NXPE2: variants seen among roughly 807,000 people sequenced by gnomAD.
The protein encoded by NXPE2 is NXPE family member 2.
A neutral mutation model predicts 34.4 loss-of-function variants in NXPE2; 34 were observed. That is an observed-to-expected ratio of 0.99 (90% CI 0.75 to 1.31). NXPE2 has a LOEUF of 1.31. Among genes scored for constraint, NXPE2 ranks in the 40% most tolerant of loss-of-function variants. The probability of loss-of-function intolerance (pLI) is 0.00; values close to 1 mark genes in which losing one functional copy is unlikely to be tolerated. For synonymous variants in NXPE2, 235 were observed against 231.3 expected, an observed-to-expected ratio of 1.02 and a Z score of -0.15; for missense variants, 649 against 672.5, an observed-to-expected ratio of 0.97 and a Z score of 0.39.
chr11:114,777,094 A>G, the NXPE2 span, among the ~76,000 whole-genome samples: 1 of 152,250 alleles, frequency 6.6e-6, no homozygotes, highest in Admixed American at 6.5e-5. Context: ...TTGTTTCACA[A>G]TGATTTTTAT....
chr11:114,684,740 C>T (rs1280839844), intron 2 of NXPE2, among the ~76,000 whole-genome samples: 1 of 151,944 alleles, frequency 6.6e-6, no homozygotes, highest in Non-Finnish European at 1.5e-5. Flanking sequence ...ATGGGAGATA[C>T]TTGAATGCAT....
chr11:114,801,861 A>C, the NXPE2 span, among the ~76,000 whole-genome samples: 1 of 152,114 alleles, frequency 6.6e-6, no homozygotes, highest in Non-Finnish European at 1.5e-5. Flanking sequence ...GGCAGAGAGG[A>C]GAGGAGAGGG....
chr11:114,656,443 T>C, the NXPE2 span, among the ~76,000 whole-genome samples: 1 of 152,152 alleles, frequency 6.6e-6, no homozygotes, highest in Non-Finnish European at 1.5e-5. Context: ...GAATTTCGTA[T>C]GGAATCAAAG....
chr11:114,476,588 A>G, the NXPE2 span, among the ~76,000 whole-genome samples: 1 of 152,186 alleles, frequency 6.6e-6, no homozygotes, highest in African/African-American at 2.4e-5. Context: ...GGAAACTTAC[A>G]GTCATGGTGG....
the NXPE2 span, among the ~76,000 whole-genome samples, chr11:114,730,423 TC>T: frequency 6.6e-6 from 1 of 152,194 alleles, no homozygotes; most frequent in African/African-American, 2.4e-5. Context: ...ATAGTATTTT[TC>T]TAATTCTGTG....
intron 2 of NXPE2, among the ~76,000 whole-genome samples, chr11:114,683,947 T>A (rs924268955): frequency 6.6e-6 from 1 of 151,572 alleles, no homozygotes; most frequent in African/African-American, 2.4e-5. Context: ...CATGTTACAT[T>A]CCAGGTTTGT....
chr11:114,569,346 C>T, the NXPE2 span, among the ~76,000 whole-genome samples: 1 of 152,108 alleles, frequency 6.6e-6, no homozygotes, highest in East Asian at 1.9e-4. Flanking sequence ...AAAATGTTAA[C>T]CTACATGTGT....
At chr11:114,477,384 G>A in the NXPE2 span, among the ~76,000 whole-genome samples, 2 of 152,188 alleles carry the variant, frequency 1.3e-5, no homozygotes, top group African/African-American at 4.8e-5. Flanking sequence ...CAATAAGTAT[G>A]TGAGGCGATG....
chr11:114,632,702 A>G, the NXPE2 span, among the ~76,000 whole-genome samples: 1 of 78,780 alleles, frequency 1.3e-5, no homozygotes, highest in Non-Finnish European at 2.2e-5. Flanking sequence ...ATATATTTAT[A>G]TAATATAATA....
the NXPE2 span, among the ~76,000 whole-genome samples, chr11:114,767,065 A>G: frequency 1.9e-3 from 282 of 152,304 alleles, no homozygotes; most frequent in Non-Finnish European, 2.8e-3. Context: ...TTAAAGTTCC[A>G]GGCCAACCCA....
chr11:114,657,637 T>C, the NXPE2 span, among the ~76,000 whole-genome samples: 1 of 152,194 alleles, frequency 6.6e-6, no homozygotes, highest in African/African-American at 2.4e-5. Context: ...AACTGTAATT[T>C]AATATGATTG....
the NXPE2 span, among the ~76,000 whole-genome samples, chr11:114,799,984 C>T: frequency 2.0e-5 from 3 of 151,408 alleles, no homozygotes; most frequent in African/African-American, 7.3e-5. Flanking sequence ...CTCCCTCTCC[C>T]TCTTTCTTTC....
chr11:114,620,053 A>G, the NXPE2 span, among the ~76,000 whole-genome samples: 1 of 152,056 alleles, frequency 6.6e-6, no homozygotes, highest in Non-Finnish European at 1.5e-5. Context: ...CTCGTGGGTA[A>G]CCACTGTTAC....
At chr11:114,640,374 T>G in the NXPE2 span, among the ~76,000 whole-genome samples, 1 of 150,474 alleles carries the variant, frequency 6.6e-6, no homozygotes. Context: ...TACTGTTTCT[T>G]TATCCACTCA....
intron 2 of NXPE2, among the ~76,000 whole-genome samples, chr11:114,695,055 C>A (rs1021939812): frequency 6.6e-6 from 1 of 151,908 alleles, no homozygotes; most frequent in African/African-American, 2.4e-5. Context: ...CTGAGATAGG[C>A]CTTTAGTGTG....
chr11:114,691,109 G>A (rs554717791), intron 2 of NXPE2, among the ~76,000 whole-genome samples: 53 of 152,142 alleles, frequency 3.5e-4, no homozygotes, highest in African/African-American at 1.2e-3. Context: ...TACATTGTTT[G>A]TGAGTGAATG....
chr11:114,736,461 A>T, the NXPE2 span, among the ~76,000 whole-genome samples: 1 of 152,222 alleles, frequency 6.6e-6, no homozygotes, highest in African/African-American at 2.4e-5. Context: ...AAAGAAGAGA[A>T]ATATGGCTCT....
At chr11:114,484,993 C>T in the NXPE2 span, among the ~76,000 whole-genome samples, 1 of 152,048 alleles carries the variant, frequency 6.6e-6, no homozygotes, top group East Asian at 1.9e-4. Context: ...ATAACTCTTC[C>T]TCCTCCTCCC....
At chr11:114,772,807 G>A in the NXPE2 span, among the ~76,000 whole-genome samples, 21 of 152,108 alleles carry the variant, frequency 1.4e-4, 2 homozygotes, top group Admixed American at 1.2e-3. Context: ...AGAAAGCGGG[G>A]TTCAGCACTC....
Sources: gnomAD v4.1 joint callset for allele counts (sites outside exome capture counted in the v4.1 genomes callset) on GRCh38, gnomAD v4.1.1 for gene constraint, MANE v1.5 for transcripts, NCBI Gene and HGNC (gene_info 2026-07-23, HGNC 2026-07-21) for gene names.